DIPK1A: variants seen among roughly 807,000 people sequenced by gnomAD.
DIPK1A encodes the protein family with sequence similarity 69 member A.
A neutral mutation model predicts 40.8 loss-of-function variants in DIPK1A; 27 were observed. That is an observed-to-expected ratio of 0.66 (90% CI 0.49 to 0.91). DIPK1A has a LOEUF of 0.91. Ranked by LOEUF, DIPK1A falls within the 40% of genes least tolerant of loss-of-function variation. DIPK1A has a pLI of 0.00. For synonymous variants in DIPK1A, 166 were observed against 171.3 expected (o/e 0.97, Z 0.24); for missense variants, 412 against 505.7 (o/e 0.81, Z 1.78).
intron 1 of DIPK1A, among the ~76,000 whole-genome samples, chr1:92,954,377 TTTTTTTTTTTTTTG>T (rs1413193570): frequency 4.3e-4 from 3 of 7,026 alleles, no homozygotes; most frequent in African/African-American, 6.6e-4. Flanking sequence ...TTTCTTTTTT[TTTTTTTTTTTTTTG>T]TTTTGAGACA....
At chr1:92,916,932 C>T (rs993351088) in intron 1 of DIPK1A, among the ~76,000 whole-genome samples, 4 of 152,176 alleles carry the variant, frequency 2.6e-5, no homozygotes, top group African/African-American at 9.7e-5. Flanking sequence ...AATAAAATGT[C>T]AAAACTTCCC....
chr1:92,856,579 A>G (rs1345871472), intron 2 of DIPK1A, among the ~76,000 whole-genome samples: 1 of 151,966 alleles, frequency 6.6e-6, no homozygotes, highest in Non-Finnish European at 1.5e-5. Flanking sequence ...CACCAAGCCC[A>G]GGTAATTTTG....
At chr1:92,894,865 A>G (rs568648703) in intron 1 of DIPK1A, among the ~76,000 whole-genome samples, 89 of 152,250 alleles carry the variant, frequency 5.8e-4, no homozygotes, top group Admixed American at 1.5e-3. Flanking sequence ...ATCAGAGAAT[A>G]CTACAAACAC....
intron 1 of DIPK1A, among the ~76,000 whole-genome samples, chr1:92,885,856 T>C (rs1374266594): frequency 6.6e-6 from 1 of 152,178 alleles, no homozygotes; most frequent in African/African-American, 2.4e-5. Flanking sequence ...TAAAGAATTA[T>C]ATTAAAAAAC....
intron 1 of DIPK1A, among the ~76,000 whole-genome samples, chr1:92,918,135 G>C (rs1650125121): frequency 6.6e-6 from 1 of 152,034 alleles, no homozygotes; most frequent in Non-Finnish European, 1.5e-5. Context: ...ATTACTTGTT[G>C]ATCTAGGTAA....
At chr1:92,833,067 T>C (rs751914143) in intron 4 of DIPK1A, 1 of 724,066 alleles carries the variant, frequency 1.4e-6, no homozygotes, top group South Asian at 1.5e-5. Flanking sequence ...TTGAAAGCGT[T>C]TAAAACCTTT....
chr1:92,894,752 G>A (rs546449536), intron 1 of DIPK1A, among the ~76,000 whole-genome samples: 15 of 152,084 alleles, frequency 9.9e-5, no homozygotes, highest in South Asian at 4.1e-4. Context: ...TAGATAGACC[G>A]CTAGCTTGAC....
exon 5 of DIPK1A, chr1:92,832,985 T>C (rs1686968978): frequency 1.4e-6 from 1 of 732,468 alleles, no homozygotes; most frequent in Non-Finnish European, 2.5e-6. Context: ...CACTGATTGC[T>C]GTCTGGAGCA....
At chr1:92,834,974 C>G in intron 4 of DIPK1A, 2 of 1,596,480 alleles carry the variant, frequency 1.3e-6, no homozygotes, top group Non-Finnish European at 1.7e-6. Flanking sequence ...GAGTTTTCTG[C>G]AAGATGTTTG....
At chr1:92,893,273 A>G (rs1648983761) in intron 1 of DIPK1A, among the ~76,000 whole-genome samples, 1 of 151,484 alleles carries the variant, frequency 6.6e-6, no homozygotes, top group South Asian at 2.1e-4. Flanking sequence ...TTACCCACAA[A>G]GGGAAGCCCA....
At chr1:92,833,429 G>C in intron 4 of DIPK1A, 1 of 1,614,046 alleles carries the variant, frequency 6.2e-7, no homozygotes. Context: ...TACTTTAAGA[G>C]ATACCAAGTG....
intron 2 of DIPK1A, among the ~76,000 whole-genome samples, chr1:92,870,496 G>T (rs1333035741): frequency 6.6e-6 from 1 of 152,204 alleles, no homozygotes; most frequent in African/African-American, 2.4e-5. Context: ...AAAATGCTGG[G>T]ATTACAGGCG....
chr1:92,846,401 G>T (rs902859255), intron 4 of DIPK1A, among the ~76,000 whole-genome samples: 1 of 151,860 alleles, frequency 6.6e-6, no homozygotes, highest in Admixed American at 6.6e-5. Context: ...CGGTAATTTT[G>T]TATCTGTTAA....
intron 1 of DIPK1A, among the ~76,000 whole-genome samples, chr1:92,928,405 T>C (rs1035545266): frequency 6.6e-6 from 1 of 152,224 alleles, no homozygotes; most frequent in Non-Finnish European, 1.5e-5. Flanking sequence ...CACTAATATG[T>C]CTTTTGAAGA....
At chr1:92,934,763 C>T (rs532668567) in intron 1 of DIPK1A, among the ~76,000 whole-genome samples, 1 of 152,140 alleles carries the variant, frequency 6.6e-6, no homozygotes, top group Admixed American at 6.5e-5. Context: ...CTGTGCTCTG[C>T]ACCACAAAAT....
chr1:92,847,024 G>A (rs1373193879), intron 4 of DIPK1A, among the ~76,000 whole-genome samples, 159 bp downstream of exon 4: 8 of 146,208 alleles, frequency 5.5e-5, no homozygotes, highest in Non-Finnish European at 9.0e-5. Context: ...GATAACAGGC[G>A]TGAGCCACCA....
chr1:92,838,827 G>A (rs963517910), downstream of DIPK1A, among the ~76,000 whole-genome samples: 1 of 152,196 alleles, frequency 6.6e-6, no homozygotes, highest in African/African-American at 2.4e-5. Context: ...GCTAAAAGAG[G>A]TAGGGAAATT....
chr1:92,894,708 T>A (rs1300711842), intron 1 of DIPK1A, among the ~76,000 whole-genome samples: 1 of 152,016 alleles, frequency 6.6e-6, no homozygotes, highest in Non-Finnish European at 1.5e-5. Flanking sequence ...ATTCAATGAA[T>A]CCAGGAGCTG....
chr1:92,929,254 T>G (rs1403417888), intron 1 of DIPK1A, among the ~76,000 whole-genome samples: 1 of 152,218 alleles, frequency 6.6e-6, no homozygotes, highest in African/African-American at 2.4e-5. Context: ...TTCTGTAACA[T>G]TCCTCTGAAG....
Sources: gnomAD v4.1 joint callset for allele counts (sites outside exome capture counted in the v4.1 genomes callset) on GRCh38, gnomAD v4.1.1 for gene constraint, MANE v1.5 for transcripts, NCBI Gene and HGNC (gene_info 2026-07-23, HGNC 2026-07-21) for gene names.